Variants in EVC observed in about 807,000 individuals in gnomAD.
EVC encodes EvC ciliary complex subunit 1.
In EVC, 116 loss-of-function variants were observed where a neutral mutation model predicts 118.9. That is an observed-to-expected ratio of 0.98 (90% CI 0.84 to 1.14). The LOEUF (loss-of-function observed/expected upper bound fraction) is 1.14. Among genes scored for constraint, EVC ranks in the 50% most tolerant of loss-of-function variants. The pLI is 0.00. For missense variants in EVC, 1,401 were observed against 1,246.4 expected, an observed-to-expected ratio of 1.12 and a Z score of -1.87; for synonymous variants, 619 against 534.7, an observed-to-expected ratio of 1.16 and a Z score of -2.18.
chr4:5,730,168 G>A (rs752430589), intron 3 of EVC, among the ~76,000 whole-genome samples: 3 of 152,090 alleles, frequency 2.0e-5, no homozygotes, highest in African/African-American at 7.2e-5. Flanking sequence ...TGGGGATGAT[G>A]GTGCTCCTGC....
chr4:5,800,293 C>T (rs1279139869), intron 15 of EVC, among the ~76,000 whole-genome samples: 1 of 152,124 alleles, frequency 6.6e-6, no homozygotes, highest in African/African-American at 2.4e-5. Context: ...TGCAGTGAGC[C>T]AAGATCACAC....
chr4:5,808,138 C>CCCA, intron 17 of EVC, 63 bp from the exon 18 acceptor site: 1 of 443,216 alleles, frequency 2.3e-6, no homozygotes, highest in Non-Finnish European at 4.5e-6. Context: ...CTTCTCCCTC[C>CCCA]CTCCCTCCCT....
intron 11 of EVC, among the ~76,000 whole-genome samples, chr4:5,781,926 G>T (rs1380554128): frequency 6.6e-6 from 1 of 152,138 alleles, no homozygotes; most frequent in Non-Finnish European, 1.5e-5. Flanking sequence ...TTATGAACAT[G>T]ATATGCAGGG....
rs1288436932 is a variant in EVC at position 5,731,908 on chromosome 4, A to C, written c.617+251A>C. Among the ~76,000 whole-genome samples the C allele has an allele frequency of 6.6e-6, 1 of 151,448 alleles. No individual in the cohort carries two copies. Among genetic ancestry groups the C allele is most frequent in the Non-Finnish European group, 1.5e-5 (1 of 67,680 alleles). ...GATGACAGGGAGGCCTCATTTAATC[A>C]CTGGCGTGCTCCCAGCTACTGGCGA... On this transcript the variant is annotated intron_variant, in intron 4 of 20. Coordinates refer to ENST00000264956, the MANE Select transcript of EVC (RefSeq NM_153717.3). The surrounding 1 kb of genome is among the most constrained non-coding windows in gnomAD (Gnocchi z 5.6).
chr4:5,815,628 A>G (rs1577686651), downstream of EVC, among the ~76,000 whole-genome samples: 1 of 152,224 alleles, frequency 6.6e-6, no homozygotes, highest in African/African-American at 2.4e-5. Context: ...GAGAGGGGCC[A>G]GGGAAGTCCC....
intron 13 of EVC, among the ~76,000 whole-genome samples, chr4:5,795,429 A>G (rs1012885192): frequency 2.6e-4 from 39 of 152,282 alleles, no homozygotes; most frequent in African/African-American, 7.9e-4. Context: ...AGGTGGGCAG[A>G]TCGCCTGAGC....
chr4:5,797,426 C>G, intron 14 of EVC, 194 bp downstream of exon 14: 1 of 623,112 alleles, frequency 1.6e-6, no homozygotes, highest in Non-Finnish European at 2.9e-6. Flanking sequence ...TCCCTGCTCA[C>G]CATCCTGGAG....
intron 11 of EVC, among the ~76,000 whole-genome samples, chr4:5,774,672 C>T (rs1276967188): frequency 6.6e-6 from 1 of 152,010 alleles, no homozygotes; most frequent in South Asian, 2.1e-4. Flanking sequence ...ACAAAGTGAG[C>T]AGTTTGTATT....
the EVC span, among the ~76,000 whole-genome samples, chr4:5,823,973 T>TATC: frequency 6.6e-6 from 1 of 152,206 alleles, no homozygotes; most frequent in Non-Finnish European, 1.5e-5. Flanking sequence ...TGAAGTCACC[T>TATC]ATCAACCTGC....
Position 5,797,030 on chromosome 4 carries a change from G to C in EVC, c.1895G>C (p.Arg632Pro), listed in dbSNP as rs535632933. The change falls in exon 14 of 21, where the codon CGG becomes CCG. Residue 632 changes from arginine to proline, a missense_variant. By Grantham distance (103) the Arg-to-Pro change is moderately radical. Transcript: ENST00000264956. ...RLGGLTEESTRCVLQGHDLLL... is the reference protein window; with the variant it reads ...RLGGLTEESTPCVLQGHDLLL... ...ACCTGCTTTCCTCAAAGGTCCACGCGGTGTGTCCTGCAGGGGCATGACCTG... is the reference window on the plus strand; with the variant it reads ...ACCTGCTTTCCTCAAAGGTCCACGCCGTGTGTCCTGCAGGGGCATGACCTG... 3.1e-6 allele frequency: 5 copies of C among 1,612,660 alleles called. No individual in the cohort carries two copies. The highest frequency in any genetic ancestry group is 4.2e-6 in the Non-Finnish European group (5 of 1,179,548).
the EVC span, chr4:5,828,773 G>T: frequency 1.5e-6 from 2 of 1,295,698 alleles, no homozygotes; most frequent in African/African-American, 1.5e-5. Context: ...GTGTTCCAAT[G>T]TTTTTTTTTC....
chr4:5,767,700 A>G (rs1733157804), intron 11 of EVC, among the ~76,000 whole-genome samples: 2 of 152,118 alleles, frequency 1.3e-5, no homozygotes, highest in Admixed American at 6.5e-5. Context: ...TGATTAGGAA[A>G]GGGAACTCCC....
In EVC at chr4:5,765,596, G is replaced by T. The variant is rs1732738860; in HGVS notation, c.1563+9234G>T. On this transcript the variant is annotated intron_variant, in intron 11 of 20. Transcript: ENST00000264956. ...ATGAATCTGGGTGCTCCTGTATTGG[G>T]CGCATATATATTTAGGATAGTTAGC... is the stretch of plus-strand genomic sequence containing the variant. 1.5e-5 allele frequency among the ~76,000 whole-genome samples: 2 copies of T among 130,396 alleles called. 1 individual carries two copies. Among genetic ancestry groups the T allele is most frequent in the African/African-American group, 6.0e-5 (2 of 33,312 alleles). The allele number at this position is 130,396 out of a possible 152,430, so 85.5% of individuals were successfully genotyped here. A position where few individuals can be genotyped will look rare whatever the true frequency, so the allele number is the denominator to read the frequency against.
At position 5,805,560 on chromosome 4, in the gene EVC, CT is replaced by C. The variant is rs1167220212; in HGVS notation, c.2561+722del. On this transcript the variant is annotated intron_variant, in intron 17 of 20. Transcript: ENST00000264956. The stretch of plus-strand genomic sequence containing the variant: ...TGTGGGGCGCAGAAGCATCACTCGG[CT>C]TTCCTGCGAAACTTGCAGGTTCTGG... Among the ~76,000 whole-genome samples, 12 of 152,324 alleles carry C rather than the reference CT, an allele frequency of 7.9e-5. No individual in the cohort carries two copies. The East Asian group carries it at 2.3e-3, about 29-fold the overall frequency.
chr4:5,730,816 C>A (rs1286879301), intron 3 of EVC, among the ~76,000 whole-genome samples: 1 of 152,118 alleles, frequency 6.6e-6, no homozygotes, highest in Non-Finnish European at 1.5e-5. Context: ...TAAGCCAGAG[C>A]CACTTCACTG....
intron 11 of EVC, among the ~76,000 whole-genome samples, chr4:5,781,156 A>G (rs1316143370): frequency 6.6e-6 from 1 of 152,160 alleles, no homozygotes; most frequent in Non-Finnish European, 1.5e-5. Context: ...CTTGCCAGAA[A>G]AGGAGACCTC....
chr4:5,824,827 C>T, the EVC span: 9 of 985,410 alleles, frequency 9.1e-6, no homozygotes, highest in Non-Finnish European at 1.1e-5. Context: ...TCAACTTTCT[C>T]AACGTGTGCG....
chr4:5,728,526 CA>C (rs1278035652), intron 2 of EVC, among the ~76,000 whole-genome samples: 3 of 152,128 alleles, frequency 2.0e-5, no homozygotes, highest in African/African-American at 7.2e-5. Flanking sequence ...CAAACAGGGA[CA>C]ATTTGACTTC....
chr4:5,819,144 T>C (rs1244086242), downstream of EVC, among the ~76,000 whole-genome samples: 5 of 152,186 alleles, frequency 3.3e-5, no homozygotes, highest in Non-Finnish European at 5.9e-5. Flanking sequence ...ATAAAGATTA[T>C]TGAGAGATGG....
Sources: allele counts gnomAD v4.1 joint callset (sites outside exome capture counted in the v4.1 genomes callset), GRCh38; gene constraint gnomAD v4.1.1; non-coding constraint Gnocchi (gnomAD v3.1); transcripts MANE v1.5; gene names NCBI Gene and HGNC (gene_info 2026-07-23, HGNC 2026-07-21).